The following SRD5A1 variants were observed in gnomAD, a reference collection of about 807,000 sequenced individuals.
SRD5A1 encodes the protein 3-oxo-5-alpha-steroid 4-dehydrogenase 1.
A neutral mutation model predicts 28.2 loss-of-function variants in SRD5A1; 22 were observed. That is an observed-to-expected ratio of 0.78 (90% CI 0.56 to 1.12). The LOEUF is 1.12. Ranked by LOEUF, SRD5A1 falls within the 50% of genes most tolerant of loss-of-function variation. The pLI is 0.00. For missense variants in SRD5A1, 300 were observed against 346.7 expected (o/e 0.87, Z 1.07); for synonymous variants, 151 against 135.0 (o/e 1.12, Z -0.82).
rs191479389 is a variant in SRD5A1, at chr5:6,654,428, T to G, written c.461-1650T>G. 7.3e-3 allele frequency among the ~76,000 whole-genome samples: 1,042 copies of G among 143,280 alleles called. 5 individuals carry two copies. The highest frequency in any genetic ancestry group is 0.011 in the Non-Finnish European group (711 of 64,196). The allele number at this position is 143,280 out of a possible 152,430, so 94.0% of individuals were successfully genotyped here. On this transcript the variant is annotated intron_variant, in intron 2 of 4. Transcript: ENST00000274192. The stretch of plus-strand genomic sequence containing the variant: ...AAATATTTTATAGAAAGATTTTAAG[T>G]TTTTTTTTTGTTTGTTTGTTTGTTT...
In SRD5A1 at chr5:6,651,829, C is replaced by T. The variant is rs1432948910; in HGVS notation, c.294-13C>T. The T allele has an allele frequency of 1.3e-6, 2 of 1,576,792 alleles. No homozygotes were observed. The highest frequency in any genetic ancestry group is 1.7e-6 in the Non-Finnish European group (2 of 1,159,620). On this transcript the variant is annotated splice_polypyrimidine_tract_variant and intron_variant, in intron 1 of 4. Coordinates refer to ENST00000274192, the MANE Select transcript of SRD5A1 (RefSeq NM_001047.4). ...ATTTTTTAAAAAATTGTGCCTGTTTCTTGTTTCCTAAGGTGCTTAATTTAC... is the reference window on the plus strand; with the variant it reads ...ATTTTTTAAAAAATTGTGCCTGTTTTTTGTTTCCTAAGGTGCTTAATTTAC...
chr5:6,644,900 A>C, intron 1 of SRD5A1: 1 of 456,064 alleles, frequency 2.2e-6, no homozygotes, highest in South Asian at 1.5e-5. Context: ...TCATGATTCC[A>C]AGACGCAGAG....
Position 6,651,870 on chromosome 5 carries a change from G to A in SRD5A1, c.322G>A (p.Gly108Arg). 6.2e-7 allele frequency: 1 copy of A among 1,611,662 alleles called. No homozygotes were observed. The highest frequency in any genetic ancestry group is 2.2e-5 in the East Asian group (1 of 44,858). Residue 108 changes from glycine (G) to arginine (R), a missense_variant, in exon 2 of 5, where the codon GGA (glycine) becomes AGA (arginine). Transcript: ENST00000274192. The stretch of plus-strand genomic sequence containing the variant: ...CTTAATTTACCCATTTCTGATGCGA[G>A]GAGGAAAGCCTATGCCACTGTTGGC... ...RCLIYPFLMR[G>R]GKPMPLLACT...
rs563032136 is a variant in SRD5A1 at position 6,642,836 on chromosome 5, T to C, written c.293+8967T>C. Among the ~76,000 whole-genome samples the C allele has an allele frequency of 2.0e-5, 3 of 152,308 alleles. No homozygotes were observed. In the South Asian group the frequency reaches 6.2e-4, roughly 32 times the overall value. On this transcript the variant is annotated intron_variant, in intron 1 of 4. Transcript: ENST00000274192. ...AAGCCATCAAACTGGTGTATTTATGTGGGACAAATCGGCATAGTCAGCTTA... is the reference window on the plus strand; with the variant it reads ...AAGCCATCAAACTGGTGTATTTATGCGGGACAAATCGGCATAGTCAGCTTA...
In SRD5A1 at chr5:6,633,717, G is replaced by C; in HGVS notation, c.141G>C (p.Arg47Ser). ...VYGRHALPSHRLRVPARAAWV... is the reference protein window; with the variant it reads ...VYGRHALPSHSLRVPARAAWV... ...GCCGCCACGCGCTGCCCAGCCACAG[G>C]CTCCGAGTGCCGGCGCGGGCCGCCT... Residue 47 changes from arginine to serine, a missense_variant, in exon 1 of 5, where the codon AGG (arginine) becomes AGC (serine). Physicochemically the swap from Arg to Ser is moderately radical, Grantham distance 110 (BLOSUM62 -1). Transcript: ENST00000274192. 6.3e-7 allele frequency: 1 copy of C among 1,593,814 alleles called. No individual in the cohort carries two copies. The highest frequency in any genetic ancestry group is 1.1e-5 in the South Asian group (1 of 90,782).
intron 1 of SRD5A1, among the ~76,000 whole-genome samples, chr5:6,650,057 T>C (rs1011557442): frequency 3.3e-5 from 5 of 152,232 alleles, no homozygotes; most frequent in African/African-American, 1.2e-4. Flanking sequence ...CTATTCATGT[T>C]GTCTTTCTTT....
At chr5:6,642,778 T>C (rs1436824479) in intron 1 of SRD5A1, among the ~76,000 whole-genome samples, 1 of 152,200 alleles carries the variant, frequency 6.6e-6, no homozygotes, top group Non-Finnish European at 1.5e-5. Context: ...CAGTCTCAGC[T>C]CTGAGCTCAA....
intron 1 of SRD5A1, among the ~76,000 whole-genome samples, chr5:6,648,804 T>G (rs1228946596): frequency 6.6e-6 from 1 of 152,242 alleles, no homozygotes; most frequent in East Asian, 1.9e-4. Context: ...TTTGTTCCCT[T>G]GCTGGCAAGG....
chr5:6,638,759 T>C (rs933804048), intron 1 of SRD5A1, among the ~76,000 whole-genome samples: 2 of 152,256 alleles, frequency 1.3e-5, no homozygotes, highest in African/African-American at 4.8e-5. Context: ...AAGCACTTAT[T>C]TTAAGCATGC....
intron 4 of SRD5A1, among the ~76,000 whole-genome samples, chr5:6,665,618 T>A (rs564857970): frequency 1.3e-5 from 2 of 152,110 alleles, no homozygotes; most frequent in African/African-American, 4.8e-5. Flanking sequence ...CCTTTTATAT[T>A]CCTAATATTT....
intron 2 of SRD5A1, among the ~76,000 whole-genome samples, chr5:6,655,647 G>C (rs1172663492): frequency 6.6e-6 from 1 of 152,256 alleles, no homozygotes; most frequent in African/African-American, 2.4e-5. Flanking sequence ...AGTGGTGACA[G>C]AGCAGCACAG....
At chr5:6,665,435 T>C (rs1739140740) in intron 4 of SRD5A1, among the ~76,000 whole-genome samples, 1 of 152,238 alleles carries the variant, frequency 6.6e-6, no homozygotes, top group Non-Finnish European at 1.5e-5. Flanking sequence ...GGAGTATGAT[T>C]GGTGAACCCC....
intron 1 of SRD5A1, among the ~76,000 whole-genome samples, chr5:6,641,809 C>T (rs144440323): frequency 2.4e-4 from 37 of 152,324 alleles, no homozygotes; most frequent in African/African-American, 2.6e-4. Context: ...AATGCAGCTA[C>T]GCAGAAGCAC....
intron 4 of SRD5A1, among the ~76,000 whole-genome samples, chr5:6,663,817 A>G (rs1739081789): frequency 6.6e-6 from 1 of 152,032 alleles, no homozygotes; most frequent in South Asian, 2.1e-4. Flanking sequence ...CCGATATCGC[A>G]CCACTGCACT....
chr5:6,639,727 C>T (rs375096765), intron 1 of SRD5A1, among the ~76,000 whole-genome samples: 1 of 152,196 alleles, frequency 6.6e-6, no homozygotes. Flanking sequence ...GTCTCTCATT[C>T]TGTCTGTTCT....
intron 1 of SRD5A1, chr5:6,645,036 TA>T (rs1738468680): frequency 2.2e-6 from 1 of 455,576 alleles, no homozygotes; most frequent in Admixed American, 2.4e-5. Context: ...TGCTTTGCTG[TA>T]AATCAGTATG....
intron 4 of SRD5A1, 85 bp downstream of exon 4, chr5:6,663,051 A>T (rs1379677758): frequency 2.0e-6 from 3 of 1,510,252 alleles, no homozygotes; most frequent in Non-Finnish European, 2.7e-6. Context: ...TTGAAGTGTT[A>T]ATTTAAATCG....
At chr5:6,650,231 G>T (rs1464460993) in intron 1 of SRD5A1, among the ~76,000 whole-genome samples, 2 of 151,900 alleles carry the variant, frequency 1.3e-5, no homozygotes, top group South Asian at 4.1e-4. Flanking sequence ...GACATAGAGA[G>T]ACCCTGTCTC....
intron 1 of SRD5A1, among the ~76,000 whole-genome samples, chr5:6,643,666 T>A (rs1738426750): frequency 6.6e-6 from 1 of 152,222 alleles, no homozygotes; most frequent in African/African-American, 2.4e-5. Context: ...CCCAAAAGGC[T>A]AATTGTGAGA....
Sources: gnomAD v4.1 joint callset for allele counts (sites outside exome capture counted in the v4.1 genomes callset) on GRCh38, gnomAD v4.1.1 for gene constraint, MANE v1.5 for transcripts, NCBI Gene and HGNC (gene_info 2026-07-23, HGNC 2026-07-21) for gene names.